DOCK5: variants seen among roughly 807,000 people sequenced by gnomAD.
The protein encoded by DOCK5 is dedicator of cytokinesis 5, also known as dedicator of cytokinesis protein 5.
A neutral mutation model predicts 251.8 loss-of-function variants in DOCK5; 142 were observed. That is an observed-to-expected ratio of 0.56 (90% confidence interval 0.49 to 0.65). The LOEUF is 0.65. DOCK5 is among the 30% of genes least tolerant of loss of function. The pLI is 0.00. For synonymous variants in DOCK5, 842 were observed against 835.5 expected (o/e 1.01, Z -0.13); for missense variants, 2,111 against 2,312.3 (o/e 0.91, Z 1.79).
chr8:25,223,852 A>T (rs989189694), intron 1 of DOCK5, among the ~76,000 whole-genome samples: 2 of 152,192 alleles, frequency 1.3e-5, no homozygotes, highest in Admixed American at 6.5e-5. Context: ...TACTTTATGG[A>T]TGAAGCATTG....
At chr8:25,187,295 A>C (rs1403847203) in intron 1 of DOCK5, among the ~76,000 whole-genome samples, 1 of 148,990 alleles carries the variant, frequency 6.7e-6, no homozygotes, top group African/African-American at 2.5e-5. Flanking sequence ...ATGTATATAC[A>C]TATATATGTA....
intron 1 of DOCK5, among the ~76,000 whole-genome samples, chr8:25,188,527 C>T (rs1343829434): frequency 1.3e-5 from 2 of 152,148 alleles, no homozygotes; most frequent in African/African-American, 4.8e-5. Context: ...AGCTGGCAGT[C>T]GCTACTGTCA....
intron 18 of DOCK5, among the ~76,000 whole-genome samples, chr8:25,331,260 C>T (rs530107050): frequency 2.9e-3 from 446 of 151,804 alleles, no homozygotes; most frequent in Middle Eastern, 0.01. Flanking sequence ...CACACACACA[C>T]ACACACACAC....
intron 1 of DOCK5, among the ~76,000 whole-genome samples, chr8:25,214,670 C>T (rs1371418199): frequency 6.6e-6 from 1 of 152,194 alleles, no homozygotes; most frequent in African/African-American, 2.4e-5. Context: ...ATGCCATCCC[C>T]TGGCACCTCT....
At chr8:25,373,698 A>C in intron 36 of DOCK5, 40 bp downstream of exon 36, 1 of 1,546,710 alleles carries the variant, frequency 6.5e-7, no homozygotes, top group Non-Finnish European at 8.8e-7. Flanking sequence ...TGTTTATTTC[A>C]TGGCTTTGTG....
At chr8:25,296,757 G>A (rs551826351) in intron 7 of DOCK5, 109 bp downstream of exon 7, 23 of 1,397,588 alleles carry the variant, frequency 1.6e-5, no homozygotes, top group Middle Eastern at 1.8e-4. Context: ...TGTAGTTTTC[G>A]TCCTCATTTT....
intron 1 of DOCK5, among the ~76,000 whole-genome samples, chr8:25,205,482 G>A (rs1403658922): frequency 6.6e-6 from 1 of 152,248 alleles, no homozygotes; most frequent in Non-Finnish European, 1.5e-5. Flanking sequence ...TAAGCTGACT[G>A]AGACACAGGG....
In DOCK5 at chr8:25,363,272, A is replaced by G. The variant is rs912513927; in HGVS notation, c.3044+131A>G. 4.5e-4 allele frequency: 328 copies of G among 734,838 alleles called. 3 individuals carry two copies. The highest frequency in any genetic ancestry group is 2.6e-4 in the Admixed American group (10 of 37,784). The allele number at this position is 734,838 out of a possible 1,614,324, so 45.5% of individuals were successfully genotyped here. On this transcript the variant is annotated intron_variant, in intron 29 of 51. Transcript: ENST00000276440. ...TGTAAAGTGAGGATCTTCCTGCTCC[A>G]GAGGTCCTAATTTATGTGCTCGTGA...
chr8:25,383,792 T>G (rs554066289), intron 40 of DOCK5, among the ~76,000 whole-genome samples: 2 of 151,330 alleles, frequency 1.3e-5, no homozygotes, highest in Admixed American at 1.3e-4. Flanking sequence ...GAGGTGGAGG[T>G]TGCATTGAGC....
intron 1 of DOCK5, among the ~76,000 whole-genome samples, chr8:25,188,372 A>G (rs1801484447): frequency 6.6e-6 from 1 of 152,236 alleles, no homozygotes; most frequent in African/African-American, 2.4e-5. Flanking sequence ...TGGATGAAGG[A>G]ACCGTAGGAT....
chr8:25,281,495 G>T (rs1043746297), intron 5 of DOCK5, among the ~76,000 whole-genome samples: 9 of 150,880 alleles, frequency 6.0e-5, no homozygotes, highest in African/African-American at 2.2e-4. Flanking sequence ...TATTTTGGCT[G>T]CCAAAATCTC....
intron 15 of DOCK5, among the ~76,000 whole-genome samples, chr8:25,319,902 G>A (rs144606864): frequency 5.5e-4 from 84 of 152,338 alleles, no homozygotes; most frequent in African/African-American, 1.9e-3. Flanking sequence ...TGTGGTTGAC[G>A]TGATGGATAT....
At chr8:25,391,873 A>G (rs1801265055) in intron 42 of DOCK5, 23 bp from the exon 43 acceptor site, 1 of 1,610,118 alleles carries the variant, frequency 6.2e-7, no homozygotes. Context: ...AGAAAAATAC[A>G]GCATTGCTTT....
intron 1 of DOCK5, among the ~76,000 whole-genome samples, chr8:25,237,434 T>C (rs1377487888): frequency 3.9e-5 from 6 of 152,194 alleles, no homozygotes; most frequent in African/African-American, 1.4e-4. Flanking sequence ...AGACTTTTCA[T>C]TGTCAAAACT....
intron 1 of DOCK5, among the ~76,000 whole-genome samples, chr8:25,220,897 C>T (rs1802368648): frequency 6.6e-6 from 1 of 152,160 alleles, no homozygotes; most frequent in East Asian, 1.9e-4. Context: ...AGCCACTGCG[C>T]CTGGCCTCTC....
At chr8:25,260,356 C>CA (rs1803544390) in intron 2 of DOCK5, among the ~76,000 whole-genome samples, 2 of 151,758 alleles carry the variant, frequency 1.3e-5, no homozygotes, top group African/African-American at 4.9e-5. Context: ...TGCCGCCCAC[C>CA]CCCGCCCAGT....
chr8:25,292,254 C>A, intron 6 of DOCK5, 82 bp downstream of exon 6: 1 of 1,390,734 alleles, frequency 7.2e-7, no homozygotes, highest in Non-Finnish European at 9.5e-7. Context: ...TTTGCAGCGA[C>A]CTTTGATCTT....
intron 1 of DOCK5, among the ~76,000 whole-genome samples, chr8:25,225,465 G>C (rs191659427): frequency 2.0e-5 from 3 of 152,138 alleles, no homozygotes; most frequent in African/African-American, 4.8e-5. Context: ...CCAGCACTTC[G>C]GGAGGCCAAG....
At chr8:25,372,822 G>A in intron 35 of DOCK5, 104 bp downstream of exon 35, 3 of 1,177,560 alleles carry the variant, frequency 2.5e-6, no homozygotes, top group South Asian at 1.7e-5. Context: ...GCGCCCTGAG[G>A]CACCTTTGTG....
Sources: gnomAD v4.1 joint callset for allele counts (sites outside exome capture counted in the v4.1 genomes callset) on GRCh38, gnomAD v4.1.1 for gene constraint, MANE v1.5 for transcripts, NCBI Gene and HGNC (gene_info 2026-07-23, HGNC 2026-07-21) for gene names.